The following C8G variants were observed in gnomAD, a reference collection of about 807,000 sequenced individuals.
C8G encodes complement component C8 gamma chain.
A neutral mutation model predicts 29.1 loss-of-function variants in C8G; 38 were observed. The observed-to-expected ratio is 1.31, with a 90% CI of 1.01 to 1.71. The LOEUF is 1.71. Ranked by LOEUF, C8G falls within the 40% of genes most tolerant of loss-of-function variation. The pLI is 0.00. For synonymous variants in C8G, 158 were observed against 113.2 expected, an observed-to-expected ratio of 1.40 and a Z score of -2.51; for missense variants, 300 against 267.4, an observed-to-expected ratio of 1.12 and a Z score of -0.85.
rs1851057001 is a variant in C8G at position 136,946,873 on chromosome 9, C to T, written c.*92C>T. 1 of 1,484,268 alleles carries T rather than the reference C, an allele frequency of 6.7e-7. No individual in the cohort carries two copies. The highest frequency in any genetic ancestry group is 2.0e-5 in the Admixed American group (1 of 50,906). 91.9% of individuals were successfully genotyped at this position (1,484,268 alleles called of 1,614,324 possible). Reference sequence around the variant, plus strand: ...CGCTGCCTGTCCTCCGTGAAACCAGCCTCAGATCAGGGCCCTGCCACCCAG... The same window carrying T: ...CGCTGCCTGTCCTCCGTGAAACCAGTCTCAGATCAGGGCCCTGCCACCCAG... On this transcript the variant is annotated 3_prime_UTR_variant, in exon 7 of 7. Transcript: ENST00000371634.
intron 5 of C8G, 40 bp from the exon 6 acceptor site, chr9:136,946,611 T>C (rs1429079984): frequency 1.2e-6 from 2 of 1,612,910 alleles, no homozygotes; most frequent in African/African-American, 2.7e-5. Context: ...CCCCACTCTC[T>C]GGGCTGATGT....
At position 136,946,447 on chromosome 9, in the gene C8G, AC is replaced by A. The variant is rs1381533361; in HGVS notation, c.455-15del. On this transcript the variant is annotated splice_polypyrimidine_tract_variant and intron_variant, in intron 4 of 6. Transcript: ENST00000371634. ...GCCGCCTGGTGCCAGGACCCCAGGA[AC>A]CCTGTCTGCCCTGCAGCCCGCTCGC... The A allele has an allele frequency of 9.5e-6, 15 of 1,575,544 alleles. No individual in the cohort carries two copies. The highest frequency in any genetic ancestry group is 1.3e-5 in the Non-Finnish European group (15 of 1,160,064).
At position 136,946,477 on chromosome 9, in the gene C8G, CTG is replaced by C; in HGVS notation, c.470_471del (p.Val157GlufsTer9). ...GTCTGCCCTGCAGCCCGCTCGCTCC[CTG>C]TGAGCGACTCGGTCCTGAGTGGGTT... On this transcript the variant is annotated frameshift_variant, in exon 5 of 7. Transcript: ENST00000371634. LOFTEE classifies it high-confidence loss of function. 6.2e-7 allele frequency: 1 copy of C among 1,608,988 alleles called. No homozygotes were observed. Among genetic ancestry groups the C allele is most frequent in the Non-Finnish European group, 8.5e-7 (1 of 1,177,682 alleles).
rs570588605 is a variant in C8G at position 136,946,088 on chromosome 9, G to C, written c.350G>C (p.Arg117Pro). The change falls in exon 4 of 7, where the codon CGA becomes CCA. Residue 117 changes from arginine to proline, a missense_variant. Physicochemically the swap from Arg to Pro is moderately radical, Grantham distance 103. Coordinates refer to ENST00000371634, the MANE Select transcript of C8G (RefSeq NM_000606.3). Reference protein sequence around the residue: ...GVLGRFLLQARDARGAVHVVV... With the variant: ...GVLGRFLLQAPDARGAVHVVV... ...GGCTACTGTGGCTCTGCCCCAGCCC[G>C]AGACGCCCGAGGGGCTGTGCACGTG... 6.9e-6 allele frequency: 11 copies of C among 1,605,774 alleles called. No homozygotes were observed. Among genetic ancestry groups the C allele is most frequent in the Non-Finnish European group, 9.4e-6 (11 of 1,175,242 alleles).
intron 1 of C8G, 77 bp downstream of exon 1, chr9:136,945,535 G>T (rs560440350): frequency 5.8e-6 from 9 of 1,544,468 alleles, no homozygotes; most frequent in Admixed American, 1.9e-5. Context: ...AAGTTGTTGC[G>T]GGGGAGAGGG....
intron 5 of C8G, 42 bp from the exon 6 acceptor site, chr9:136,946,609 T>C (rs775294924): frequency 3.7e-6 from 6 of 1,612,898 alleles, no homozygotes; most frequent in Non-Finnish European, 5.1e-6. Context: ...ACCCCCACTC[T>C]CTGGGCTGAT....
rs773098582 is a variant in C8G at position 136,946,009 on chromosome 9, G to A, written c.346+10G>A. ...CGCTTCCTGCTTCAAGGTGAGGCAGGGGCTGCAGGGCATGTGGGTGGGGGA... is the reference window on the plus strand; with the variant it reads ...CGCTTCCTGCTTCAAGGTGAGGCAGAGGCTGCAGGGCATGTGGGTGGGGGA... On this transcript the variant is annotated intron_variant, in intron 3 of 6. Coordinates refer to ENST00000371634, the MANE Select transcript of C8G (RefSeq NM_000606.3). The A allele has an allele frequency of 5.0e-6, 8 of 1,589,656 alleles. No homozygotes were observed. The highest frequency in any genetic ancestry group is 6.8e-6 in the Non-Finnish European group (8 of 1,168,114).
At chr9:136,945,480 G>A (rs751226069) in intron 1 of C8G, 22 bp downstream of exon 1, 2 of 1,558,556 alleles carry the variant, frequency 1.3e-6, no homozygotes, top group Non-Finnish European at 8.7e-7. Flanking sequence ...GGGGGGTAGA[G>A]GGAGGCAGGT....
intron 4 of C8G, 99 bp downstream of exon 4, chr9:136,946,291 C>A: frequency 7.3e-7 from 1 of 1,366,352 alleles, no homozygotes; most frequent in Non-Finnish European, 1.0e-6. Flanking sequence ...GGACACACTT[C>A]CTTTCTCCCA....
Position 136,945,370 on chromosome 9 carries a change from G to T in C8G, c.50G>T (p.Gly17Val), listed in dbSNP as rs199914943. ...ATLLTLLLAA[G>V]SLGQKPQRPR... ...CTCTTGACTCTGCTCCTGGCAGCTG[G>T]CTCGCTGGGCCAGAAGCCTCAGAGG... is the stretch of plus-strand genomic sequence containing the variant. The change falls in exon 1 of 7, where the codon GGC becomes GTC. Residue 17 changes from glycine (G) to valine (V), a missense_variant. Gly to Val is a moderately radical substitution (Grantham distance 109, BLOSUM62 -3). Transcript: ENST00000371634. 28 of 1,612,706 alleles carry T rather than the reference G, an allele frequency of 1.7e-5. No individual in the cohort carries two copies. Among genetic ancestry groups the T allele is most frequent in the Non-Finnish European group, 7.6e-6 (9 of 1,179,866 alleles).
rs748222672 is a variant in C8G, at chr9:136,946,193, G to A, written c.454+1G>A. On this transcript the variant is annotated splice_donor_variant, in intron 4 of 6. Coordinates refer to ENST00000371634, the MANE Select transcript of C8G (RefSeq NM_000606.3). LOFTEE classifies it high-confidence loss of function. Reference sequence around the variant, plus strand: ...GGGCAGCTGTCAGTGAAGCTCTACGGTATGTGGGGGCCAGCCTCTGTGACC... The same window carrying A: ...GGGCAGCTGTCAGTGAAGCTCTACGATATGTGGGGGCCAGCCTCTGTGACC... 21 of 1,554,660 alleles carry A rather than the reference G, an allele frequency of 1.4e-5. No homozygotes were observed. The Admixed American group carries it at 4.1e-4, about 30-fold the overall frequency.
chr9:136,945,552 G>A, intron 1 of C8G, 82 bp from the exon 2 acceptor site: 1 of 1,558,696 alleles, frequency 6.4e-7, no homozygotes, highest in South Asian at 1.2e-5. Flanking sequence ...AGGGAAGCAG[G>A]TGAAGTTGTG....
rs527711843 is a variant in C8G at position 136,946,192 on chromosome 9, G to A, written c.454G>A (p.Ala152Thr). The A allele has an allele frequency of 6.9e-5, 107 of 1,554,028 alleles. No homozygotes were observed. The highest frequency in any genetic ancestry group is 1.6e-4 in the East Asian group (7 of 44,384). ...RAGQLSVKLY[A>T]RSLPVSDSVL... ...GGGGCAGCTGTCAGTGAAGCTCTACGGTATGTGGGGGCCAGCCTCTGTGAC... is the reference window on the plus strand; with the variant it reads ...GGGGCAGCTGTCAGTGAAGCTCTACAGTATGTGGGGGCCAGCCTCTGTGAC... Residue 152 changes from alanine (A) to threonine (T), a missense_variant and splice_region_variant, in exon 4 of 7, where the codon GCC (alanine) becomes ACC (threonine). Ala to Thr is a moderately conservative substitution (Grantham distance 58). Transcript: ENST00000371634.
rs1051548169 is a variant in C8G at position 136,946,877 on chromosome 9, A to G, written c.*96A>G. 4.1e-6 allele frequency: 6 copies of G among 1,463,670 alleles called. No individual in the cohort carries two copies. The East Asian group carries it at 1.5e-4, about 36-fold the overall frequency. 90.7% of individuals were successfully genotyped at this position (1,463,670 alleles called of 1,614,324 possible). On this transcript the variant is annotated 3_prime_UTR_variant, in exon 7 of 7. Coordinates refer to ENST00000371634, the MANE Select transcript of C8G (RefSeq NM_000606.3). ...GCCTGTCCTCCGTGAAACCAGCCTC[A>G]GATCAGGGCCCTGCCACCCAGGGCA...
In C8G at chr9:136,946,672, A is replaced by C. The variant is rs1186954585; in HGVS notation, c.578A>C (p.Gln193Pro). ...PKYGFCEAADQFHVLDEVRR is the reference protein window; with the variant it reads ...PKYGFCEAADPFHVLDEVRR ...CCAGGCTTCTGCGAGGCTGCAGACC[A>C]GTTCCACGTCCTGGACGGTGAGTGC... is the stretch of plus-strand genomic sequence containing the variant. The change falls in exon 6 of 7, where the codon CAG becomes CCG. Residue 193 changes from glutamine (Q) to proline (P), a missense_variant. Physicochemically the swap from Gln to Pro is moderately conservative, Grantham distance 76. Transcript: ENST00000371634. 9 of 1,612,904 alleles carry C rather than the reference A, an allele frequency of 5.6e-6. No homozygotes were observed. The South Asian group carries it at 6.6e-5, about 12-fold the overall frequency.
chr9:136,946,400 C>A (rs766464834), intron 4 of C8G, 65 bp from the exon 5 acceptor site: 15 of 1,502,422 alleles, frequency 1.0e-5, no homozygotes, highest in Admixed American at 4.6e-5. Context: ...GACACACAGA[C>A]CCCGTTTCCA....
At position 136,945,786 on chromosome 9, in the gene C8G, G is replaced by A. The variant is rs1168740374; in HGVS notation, c.275+16G>A. 1.3e-6 allele frequency: 2 copies of A among 1,545,490 alleles called. No individual in the cohort carries two copies. Among genetic ancestry groups the A allele is most frequent in the Non-Finnish European group, 1.7e-6 (2 of 1,145,502 alleles). On this transcript the variant is annotated intron_variant, in intron 2 of 6. Transcript: ENST00000371634. ...TCCGAAAGCTGTGAGTCCCAGAGCA[G>A]CCCTGCACCCTAACCCCAACCCTCC...
chr9:136,946,249 G>C, intron 4 of C8G, 57 bp downstream of exon 4: 2 of 1,461,942 alleles, frequency 1.4e-6, no homozygotes, highest in South Asian at 1.3e-5. Context: ...CACACTCACT[G>C]GGCCACCCCG....
At chr9:136,946,597 C>T in intron 5 of C8G, 31 bp downstream of exon 5, 1 of 1,612,482 alleles carries the variant, frequency 6.2e-7, no homozygotes, top group Non-Finnish European at 8.5e-7. Context: ...CCCAGCTCAG[C>T]CACCCCCACT....
Sources: gnomAD v4.1 joint callset for allele counts on GRCh38, gnomAD v4.1.1 for gene constraint, MANE v1.5 for transcripts, NCBI Gene and HGNC (gene_info 2026-07-23, HGNC 2026-07-21) for gene names.